The following OR9Q1 variants were observed in gnomAD, a reference collection of about 807,000 sequenced individuals.
OR9Q1 encodes olfactory receptor 9Q1.
For synonymous variants in OR9Q1, 153 were observed against 148.6 expected (o/e 1.03, Z -0.22); for missense variants, 374 against 378.8 (o/e 0.99, Z 0.11).
chr11:58,084,010 T>C (rs967739009), intron 2 of OR9Q1, among the ~76,000 whole-genome samples: 2 of 151,940 alleles, frequency 1.3e-5, no homozygotes, highest in Non-Finnish European at 2.9e-5. Flanking sequence ...TGTTGATAGT[T>C]TGATAAGAAT....
chr11:58,108,126 T>C (rs1398654048), intron 2 of OR9Q1, among the ~76,000 whole-genome samples: 1 of 152,082 alleles, frequency 6.6e-6, no homozygotes, highest in African/African-American at 2.4e-5. Context: ...TAGGAAGACA[T>C]TAGAGGAAGA....
At chr11:58,024,297 C>A (rs916318871) in intron 1 of OR9Q1, among the ~76,000 whole-genome samples, 193 bp downstream of exon 1, 2 of 152,044 alleles carry the variant, frequency 1.3e-5, no homozygotes, top group Admixed American at 1.3e-4. Flanking sequence ...CTCCTAGCCC[C>A]GCTGTCTGTC....
At chr11:58,122,696 T>C (rs1854046363) in intron 2 of OR9Q1, among the ~76,000 whole-genome samples, 2 of 152,150 alleles carry the variant, frequency 1.3e-5, no homozygotes, top group Non-Finnish European at 2.9e-5. Flanking sequence ...AAGGCTCTTC[T>C]TCATTTTATT....
At chr11:58,061,830 C>T (rs2514203) in intron 2 of OR9Q1, among the ~76,000 whole-genome samples, 145,872 of 152,302 alleles carry the variant, frequency 0.96, 70,190 homozygotes, top group East Asian at 1. Flanking sequence ...GAGGTGCCAG[C>T]GGTGGTTACA....
intron 2 of OR9Q1, among the ~76,000 whole-genome samples, chr11:58,068,184 A>C (rs1220667285): frequency 1.1e-3 from 1 of 940 alleles, no homozygotes; most frequent in Non-Finnish European, 0.083. Flanking sequence ...CAAAAATACA[A>C]AAAAAAAAAA....
chr11:58,146,134 A>G (rs1345755287), intron 2 of OR9Q1, among the ~76,000 whole-genome samples: 4 of 152,244 alleles, frequency 2.6e-5, no homozygotes, highest in Non-Finnish European at 5.9e-5. Context: ...AGTCCCATAT[A>G]TAACTTTGTA....
At chr11:58,028,252 G>A (rs536625822) in intron 1 of OR9Q1, among the ~76,000 whole-genome samples, 8 of 152,302 alleles carry the variant, frequency 5.3e-5, no homozygotes, top group Non-Finnish European at 8.8e-5. Context: ...ACCCTCCACC[G>A]TGGTTCCTAG....
chr11:58,176,329 C>T (rs917287618), intron 2 of OR9Q1, among the ~76,000 whole-genome samples: 4 of 152,212 alleles, frequency 2.6e-5, no homozygotes, highest in Non-Finnish European at 5.9e-5. Flanking sequence ...GCTTTGAGAA[C>T]CGTGACTGGG....
chr11:58,130,590 G>A (rs564860639), intron 2 of OR9Q1, among the ~76,000 whole-genome samples: 1 of 152,156 alleles, frequency 6.6e-6, no homozygotes, highest in African/African-American at 2.4e-5. Context: ...CTAGGAGTTC[G>A]AGACCAGCCT....
intron 2 of OR9Q1, among the ~76,000 whole-genome samples, chr11:58,070,886 G>A (rs1158762644): frequency 1.1e-4 from 16 of 152,176 alleles, no homozygotes; most frequent in Admixed American, 1.0e-3. Flanking sequence ...AGTTCCCTCT[G>A]TGTCAAAGAA....
At chr11:58,105,654 G>A (rs993018848) in intron 2 of OR9Q1, among the ~76,000 whole-genome samples, 1 of 151,738 alleles carries the variant, frequency 6.6e-6, no homozygotes, top group Non-Finnish European at 1.5e-5. Context: ...TTCATGCCTT[G>A]GCAACCACTA....
chr11:58,174,580 G>A (rs1396254180), intron 2 of OR9Q1, among the ~76,000 whole-genome samples: 1 of 150,232 alleles, frequency 6.7e-6, no homozygotes, highest in South Asian at 2.1e-4. Flanking sequence ...AAATTTTCTA[G>A]TAAAGATAGT....
intron 1 of OR9Q1, chr11:58,031,318 G>A (rs746901201): frequency 1.9e-6 from 3 of 1,614,102 alleles, no homozygotes; most frequent in Non-Finnish European, 1.7e-6. Flanking sequence ...TGGCTGCCAT[G>A]GCCTATGATC....
At chr11:58,112,698 T>C (rs992244679) in intron 2 of OR9Q1, among the ~76,000 whole-genome samples, 4 of 152,154 alleles carry the variant, frequency 2.6e-5, no homozygotes, top group Admixed American at 2.6e-4. Flanking sequence ...ATTTTCTCAA[T>C]GGGAAAACCT....
chr11:58,027,930 C>A (rs2119902189), intron 1 of OR9Q1, among the ~76,000 whole-genome samples: 1 of 152,308 alleles, frequency 6.6e-6, no homozygotes, highest in East Asian at 1.9e-4. Flanking sequence ...AAAAATAATA[C>A]CTGCTCTGTA....
At chr11:58,177,214 C>T (rs938212037) in intron 2 of OR9Q1, among the ~76,000 whole-genome samples, 3 of 152,178 alleles carry the variant, frequency 2.0e-5, no homozygotes, top group African/African-American at 7.2e-5. Flanking sequence ...TAATAGACTG[C>T]AGAGCTGGTA....
At chr11:58,177,177 C>A (rs955679621) in intron 2 of OR9Q1, among the ~76,000 whole-genome samples, 1 of 152,212 alleles carries the variant, frequency 6.6e-6, no homozygotes, top group Non-Finnish European at 1.5e-5. Context: ...ACTGTTAGCT[C>A]AAAAGCCTCT....
chr11:58,030,772 A>G (rs1853024104), intron 1 of OR9Q1, among the ~76,000 whole-genome samples: 1 of 152,110 alleles, frequency 6.6e-6, no homozygotes, highest in African/African-American at 2.4e-5. Context: ...TACTAATATT[A>G]TTTGTTTTCT....
In OR9Q1 at chr11:58,033,529, C is replaced by T. The variant is rs372378839; in HGVS notation, c.-93+9425C>T. Among the ~76,000 whole-genome samples the T allele has an allele frequency of 3.4e-4, 51 of 152,218 alleles. No individual in the cohort carries two copies. In the South Asian group the frequency reaches 9.8e-3, roughly 29 times the overall value. ...CTGAAAATCAAATATTTTGTTTTCT[C>T]ACTTGTAAGTAGGAGCTAAATCTTG... On this transcript the variant is annotated intron_variant, in intron 1 of 2. Transcript: ENST00000335397.
Sources: allele counts gnomAD v4.1 joint callset (sites outside exome capture counted in the v4.1 genomes callset), GRCh38; gene constraint gnomAD v4.1.1; transcripts MANE v1.5; gene names NCBI Gene and HGNC (gene_info 2026-07-23, HGNC 2026-07-21).